The following AOPEP variants were observed in gnomAD, a reference collection of about 807,000 sequenced individuals.
The protein encoded by AOPEP is aminopeptidase O (putative).
Under a neutral mutation model 98.1 loss-of-function variants are expected in AOPEP, and 77 were observed. The ratio of observed to expected loss-of-function variants is 0.78; its 90% confidence interval spans 0.65 to 0.95. The LOEUF is 0.95. Among genes scored for constraint, AOPEP ranks in the 40% least tolerant of loss-of-function variants. AOPEP has a pLI of 0.00. For synonymous variants in AOPEP, 346 were observed against 365.3 expected (o/e 0.95, Z 0.60); for missense variants, 1,024 against 1,024.7 (o/e 1.00, Z 0.01).
rs531502297 is a variant in AOPEP at position 95,065,796 on chromosome 9, A to C, written c.2232+4986A>C. Among the ~76,000 whole-genome samples, 28 of 152,318 alleles carry C rather than the reference A, an allele frequency of 1.8e-4. 1 individual carries two copies. The South Asian group carries it at 5.8e-3, about 32-fold the overall frequency. ...GAAGCTCAGCATTAGGCCGTTTCTC[A>C]CAGTATGATTGCAGGTACAGGGGTC... On this transcript the variant is annotated intron_variant, in intron 14 of 16. Transcript: ENST00000375315.
chr9:94,950,199 T>C (rs1014448662), intron 7 of AOPEP, among the ~76,000 whole-genome samples: 10 of 152,206 alleles, frequency 6.6e-5, no homozygotes, highest in Admixed American at 2.0e-4. Flanking sequence ...GTGCCATGTC[T>C]TCTTAATGTC....
In AOPEP at chr9:95,033,227, C is replaced by T. The variant is rs190305195; in HGVS notation, c.2116-27467C>T. 6.2e-4 allele frequency among the ~76,000 whole-genome samples: 95 copies of T among 152,220 alleles called. No individual in the cohort carries two copies. In the East Asian group the frequency reaches 0.013, roughly 20 times the overall value. On this transcript the variant is annotated intron_variant, in intron 13 of 16. Transcript: ENST00000375315. ...TCATTTCACCTCTTCTTTTGTTCTA[C>T]GCCTTTTTCTCTTGTACTTTTGTTC...
the AOPEP span, among the ~76,000 whole-genome samples, chr9:95,128,908 C>T: frequency 2.0e-5 from 3 of 150,086 alleles, no homozygotes; most frequent in African/African-American, 7.5e-5. Context: ...AAACCAGTCT[C>T]CTTTTTTTTT....
chr9:94,857,711 T>TGA (rs1406898537), intron 5 of AOPEP, among the ~76,000 whole-genome samples: 1 of 152,124 alleles, frequency 6.6e-6, no homozygotes, highest in Non-Finnish European at 1.5e-5. Flanking sequence ...GGACCCAAAG[T>TGA]GAGGCTGAAA....
chr9:94,753,216 A>G (rs1836234756), intron 1 of AOPEP, among the ~76,000 whole-genome samples: 1 of 152,198 alleles, frequency 6.6e-6, no homozygotes, highest in Admixed American at 6.5e-5. Flanking sequence ...AGTAGAATAA[A>G]ATTGGACCCA....
chr9:95,002,027 C>T (rs1384738125), intron 11 of AOPEP, among the ~76,000 whole-genome samples: 1 of 151,852 alleles, frequency 6.6e-6, no homozygotes. Flanking sequence ...GATCCTCCCA[C>T]CCCGGCCTCC....
intron 13 of AOPEP, chr9:95,022,044 G>GGGAGGGGAGAAGAGAGTAGTC (rs1159580338): frequency 1.3e-5 from 2 of 152,216 alleles, no homozygotes; most frequent in African/African-American, 4.8e-5. Flanking sequence ...ATTATTCAAT[G>GGGAGGGGAGAAGAGAGTAGTC]GGAGGGGAGA....
In AOPEP at chr9:94,955,246, G is replaced by A. The variant is rs910798673; in HGVS notation, c.1731G>A (p.Pro577=). 5 of 1,613,142 alleles carry A rather than the reference G, an allele frequency of 3.1e-6. No individual in the cohort carries two copies. Among genetic ancestry groups the A allele is most frequent in the Non-Finnish European group, 4.2e-6 (5 of 1,179,694 alleles). Residue 577 remains proline (P), a synonymous_variant, in exon 8 of 17, where the codon CCG becomes CCA. Coordinates refer to ENST00000375315, the MANE Select transcript of AOPEP (RefSeq NM_001193329.3). ...GASVIKHGLN[P]EKIFMQVHYL... The stretch of plus-strand genomic sequence containing the variant: ...CTGTTATCAAGCATGGACTTAATCC[G>A]GAGAAGATCTTCATGCAGGTGCATT...
In AOPEP at chr9:94,928,433, CT is replaced by C. The variant is rs1346912653; in HGVS notation, c.1564del (p.Tyr522MetfsTer9). 1 of 1,547,870 alleles carries C rather than the reference CT, an allele frequency of 6.5e-7. No homozygotes were observed. Among genetic ancestry groups the C allele is most frequent in the East Asian group, 2.4e-5 (1 of 40,918 alleles). On this transcript the variant is annotated frameshift_variant, in exon 7 of 17. Coordinates refer to ENST00000375315, the MANE Select transcript of AOPEP (RefSeq NM_001193329.3). LOFTEE classifies it high-confidence loss of function. Reference protein sequence around the residue: ...FWATAQQLAPYEAREQQELRA... With the variant: ...FWATAQQLAPXEAREQQELRA... ...TGTCTGTGGCTGAGCAGCTGGCCCC[CT>C]ATGAGGCCCGGGAGCAGCAGGAGCT...
the AOPEP span, chr9:95,107,640 C>A: frequency 2.5e-6 from 1 of 394,568 alleles, no homozygotes; most frequent in Non-Finnish European, 4.8e-6. Context: ...CAATTAAAGC[C>A]CCACGCAGTC....
At position 95,035,216 on chromosome 9, in the gene AOPEP, G is replaced by A. The variant is rs1326383466; in HGVS notation, c.2116-25478G>A. On this transcript the variant is annotated intron_variant, in intron 13 of 16. Transcript: ENST00000375315. ...TTCCCACCTGTGAGTGAGAACATGC[G>A]GTGTTTGGTTGAAAGAAAACCATCC... 3.3e-5 allele frequency among the ~76,000 whole-genome samples: 5 copies of A among 151,346 alleles called. No homozygotes were observed. In the East Asian group the frequency reaches 7.8e-4, roughly 24 times the overall value.
intron 5 of AOPEP, among the ~76,000 whole-genome samples, chr9:94,882,832 T>C (rs1377864614): frequency 1.3e-5 from 2 of 151,928 alleles, no homozygotes; most frequent in Non-Finnish European, 2.9e-5. Flanking sequence ...ATTGTGGTCA[T>C]CTTAATTCTA....
At chr9:94,864,031 T>A (rs533942484) in intron 5 of AOPEP, among the ~76,000 whole-genome samples, 1 of 152,332 alleles carries the variant, frequency 6.6e-6, no homozygotes, top group African/African-American at 2.4e-5. Context: ...GGAAAATAGC[T>A]GGATACTCCC....
chr9:95,046,498 T>C (rs1364524408), intron 13 of AOPEP, among the ~76,000 whole-genome samples: 1 of 152,220 alleles, frequency 6.6e-6, no homozygotes, highest in Non-Finnish European at 1.5e-5. Context: ...ACATAATTTT[T>C]AAGGGAATTA....
chr9:94,948,819 C>T (rs1414117680), intron 7 of AOPEP, among the ~76,000 whole-genome samples: 1 of 152,222 alleles, frequency 6.6e-6, no homozygotes, highest in African/African-American at 2.4e-5. Flanking sequence ...TTTCTGCCAC[C>T]TCTTGGCACC....
intron 5 of AOPEP, among the ~76,000 whole-genome samples, chr9:94,821,970 AACACACACACACACACACAC>A (rs34645632): frequency 7.1e-6 from 1 of 141,360 alleles, no homozygotes; most frequent in African/African-American, 2.6e-5. Context: ...TGTGTGTGTA[AACACACACACACACACACAC>A]ACACACACAC....
At chr9:95,143,438 TG>T in the AOPEP span, among the ~76,000 whole-genome samples, 1 of 152,144 alleles carries the variant, frequency 6.6e-6, no homozygotes, top group Non-Finnish European at 1.5e-5. Context: ...CGAGGCTATC[TG>T]GGGGCCCACC....
rs1285937263 is a variant in AOPEP, at chr9:95,080,683, T to C, written c.2233-11T>C. The C allele has an allele frequency of 6.8e-6, 11 of 1,611,336 alleles. No homozygotes were observed. The highest frequency in any genetic ancestry group is 1.7e-5 in the Admixed American group (1 of 59,980). Reference sequence around the variant, plus strand: ...GCTTGTCGCTCACTGGGCTCTCTCTTGTTCCTCCAGGTTCGCCATCGGTGG... The same window carrying C: ...GCTTGTCGCTCACTGGGCTCTCTCTCGTTCCTCCAGGTTCGCCATCGGTGG... On this transcript the variant is annotated splice_polypyrimidine_tract_variant and intron_variant, in intron 14 of 16. Transcript: ENST00000375315.
intron 11 of AOPEP, 105 bp from the exon 12 acceptor site, chr9:95,005,053 G>T: frequency 9.1e-6 from 4 of 437,568 alleles, no homozygotes; most frequent in Non-Finnish European, 1.2e-5. Context: ...CGTCCTCCCC[G>T]GCCGCGGGCG....
Sources: gnomAD v4.1 joint callset for allele counts (sites outside exome capture counted in the v4.1 genomes callset) on GRCh38, gnomAD v4.1.1 for gene constraint, MANE v1.5 for transcripts, NCBI Gene and HGNC (gene_info 2026-07-23, HGNC 2026-07-21) for gene names.